ZNG1B: variants seen among roughly 807,000 people sequenced by gnomAD.
ZNG1B encodes zinc-regulated GTPase metalloprotein activator 1B.
chr2:113,473,113 C>A, the ZNG1B span, among the ~76,000 whole-genome samples: 1 of 150,108 alleles, frequency 6.7e-6, no homozygotes, highest in Non-Finnish European at 1.5e-5. Flanking sequence ...TCTTCCTACC[C>A]ATGAGCATGG....
the ZNG1B span, chr2:113,457,009 A>G: frequency 1.1e-5 from 5 of 454,496 alleles, no homozygotes; most frequent in East Asian, 1.4e-4. Flanking sequence ...ATCATGGGGT[A>G]TCATGCTAAT....
chr2:113,493,556 T>C, the ZNG1B span, among the ~76,000 whole-genome samples: 1 of 128,078 alleles, frequency 7.8e-6, no homozygotes. Flanking sequence ...ACTAAATCCA[T>C]TGGTACCTGT....
At chr2:113,448,254 G>A in the ZNG1B span, among the ~76,000 whole-genome samples, 1 of 152,018 alleles carries the variant, frequency 6.6e-6, no homozygotes, top group Admixed American at 6.5e-5. Flanking sequence ...CAGCTCTTGG[G>A]TGATCAGGTG....
the ZNG1B span, among the ~76,000 whole-genome samples, chr2:113,476,888 G>C: frequency 1.3e-5 from 2 of 152,364 alleles, no homozygotes; most frequent in South Asian, 2.1e-4. Context: ...CAGATCTCCA[G>C]CTGCGTGCTG....
chr2:113,438,247 A>G, the ZNG1B span, among the ~76,000 whole-genome samples: 3 of 152,144 alleles, frequency 2.0e-5, no homozygotes, highest in Non-Finnish European at 4.4e-5. Flanking sequence ...AGTGAGATGG[A>G]AAGTTAGCCT....
At chr2:113,489,334 A>G in the ZNG1B span, among the ~76,000 whole-genome samples, 1 of 152,298 alleles carries the variant, frequency 6.6e-6, no homozygotes, top group African/African-American at 2.4e-5. Flanking sequence ...ACAGTGCAAG[A>G]ATGCTAAAAG....
At chr2:113,492,234 AACC>A in the ZNG1B span, among the ~76,000 whole-genome samples, 1 of 140,476 alleles carries the variant, frequency 7.1e-6, no homozygotes, top group African/African-American at 2.6e-5. Flanking sequence ...ACGTGGAAGC[AACC>A]CAAATGCCCA....
At chr2:113,476,759 C>T in the ZNG1B span, among the ~76,000 whole-genome samples, 3 of 152,012 alleles carry the variant, frequency 2.0e-5, no homozygotes, top group African/African-American at 7.3e-5. Flanking sequence ...AGCTGCAGGT[C>T]TGTTGGAGTA....
At chr2:113,452,985 G>C in the ZNG1B span, among the ~76,000 whole-genome samples, 1 of 152,138 alleles carries the variant, frequency 6.6e-6, no homozygotes, top group Non-Finnish European at 1.5e-5. Context: ...ACTCCCTTTT[G>C]CTATAAATAG....
At chr2:113,471,847 G>A in the ZNG1B span, among the ~76,000 whole-genome samples, 1 of 151,874 alleles carries the variant, frequency 6.6e-6, no homozygotes, top group Non-Finnish European at 1.5e-5. Flanking sequence ...ATTCCATGGT[G>A]TATATGTGCC....
the ZNG1B span, among the ~76,000 whole-genome samples, chr2:113,465,477 G>A: frequency 3.3e-5 from 5 of 150,928 alleles, no homozygotes; most frequent in Non-Finnish European, 7.4e-5. Context: ...GAAATCTGAA[G>A]TATATTGAGG....
At chr2:113,450,135 G>A in the ZNG1B span, among the ~76,000 whole-genome samples, 1 of 151,028 alleles carries the variant, frequency 6.6e-6, no homozygotes, top group African/African-American at 2.4e-5. Context: ...TATAAACAAG[G>A]TATATCTAAG....
At chr2:113,444,694 C>T in the ZNG1B span, among the ~76,000 whole-genome samples, 1 of 151,668 alleles carries the variant, frequency 6.6e-6, no homozygotes, top group Non-Finnish European at 1.5e-5. Flanking sequence ...TAAAAAGATA[C>T]TTGGTCAGAT....
chr2:113,460,764 G>A, the ZNG1B span: 2 of 1,575,748 alleles, frequency 1.3e-6, no homozygotes, highest in Non-Finnish European at 8.5e-7. Flanking sequence ...TAATTGTAAA[G>A]AGAAAAATCA....
At chr2:113,437,878 G>A in the ZNG1B span, 19 of 1,612,000 alleles carry the variant, frequency 1.2e-5, no homozygotes, top group Non-Finnish European at 1.6e-5. Context: ...AATGTTACCG[G>A]CTGTTGGATC....
chr2:113,475,408 A>G, the ZNG1B span, among the ~76,000 whole-genome samples: 1 of 151,322 alleles, frequency 6.6e-6, no homozygotes, highest in African/African-American at 2.4e-5. Flanking sequence ...GGGTTTCCTG[A>G]ATACAGCACA....
the ZNG1B span, among the ~76,000 whole-genome samples, chr2:113,451,684 A>T: frequency 6.6e-6 from 1 of 152,140 alleles, no homozygotes; most frequent in Non-Finnish European, 1.5e-5. Flanking sequence ...TACTCCTCCT[A>T]AATACCTACA....
At chr2:113,466,656 T>A in the ZNG1B span, 1 of 985,468 alleles carries the variant, frequency 1.0e-6, no homozygotes, top group Non-Finnish European at 1.2e-6. Context: ...TTAGAATCCT[T>A]TTCAATGAAG....
the ZNG1B span, chr2:113,437,744 A>G: frequency 3.3e-6 from 5 of 1,524,246 alleles, no homozygotes; most frequent in East Asian, 1.1e-4. Context: ...GGGATCAGCG[A>G]GCGTCGCGAT....
Sources: allele counts gnomAD v4.1 joint callset (sites outside exome capture counted in the v4.1 genomes callset), GRCh38; gene constraint gnomAD v4.1.1; transcripts MANE v1.5; gene names NCBI Gene and HGNC (gene_info 2026-07-23, HGNC 2026-07-21).